KCNS3: variants seen among roughly 807,000 people sequenced by gnomAD.
KCNS3 encodes the protein delayed-rectifier potassium channel regulatory subunit KCNS3.
KCNS3 carries 13 observed loss-of-function variants against 31.0 expected under a neutral mutation model. The observed-to-expected ratio is 0.42, with a 90% CI of 0.27 to 0.67. KCNS3 has a LOEUF of 0.67. Among genes scored for constraint, KCNS3 ranks in the 30% least tolerant of loss-of-function variants. The pLI, the probability that KCNS3 is intolerant of heterozygous loss-of-function variation, is 0.25. For missense variants in KCNS3, 545 were observed against 622.4 expected, an observed-to-expected ratio of 0.88 and a Z score of 1.32; for synonymous variants, 238 against 241.5, an observed-to-expected ratio of 0.99 and a Z score of 0.13.
intron 1 of KCNS3, among the ~76,000 whole-genome samples, chr2:17,890,628 T>A (rs924876202): frequency 1.3e-5 from 2 of 152,124 alleles, no homozygotes; most frequent in African/African-American, 2.4e-5. Context: ...GTTTGTGTCA[T>A]CATTGTCATT....
chr2:17,878,451 A>G (rs1233123399), upstream of KCNS3, among the ~76,000 whole-genome samples: 2 of 151,572 alleles, frequency 1.3e-5, no homozygotes, highest in Non-Finnish European at 3.0e-5. Flanking sequence ...ATCTAGGTCT[A>G]TGGGTCTGTC....
At chr2:17,923,448 A>G (rs1354255910) in intron 2 of KCNS3, among the ~76,000 whole-genome samples, 1 of 152,092 alleles carries the variant, frequency 6.6e-6, no homozygotes, top group Non-Finnish European at 1.5e-5. Context: ...TTGAATTGAT[A>G]GTGTCCTTTG....
intron 2 of KCNS3, among the ~76,000 whole-genome samples, chr2:17,928,058 AAAAT>A (rs1189941005): frequency 1.3e-5 from 2 of 152,224 alleles, no homozygotes; most frequent in Non-Finnish European, 2.9e-5. Flanking sequence ...TATTTGGCTC[AAAAT>A]AAATCTCTTT....
intron 2 of KCNS3, among the ~76,000 whole-genome samples, chr2:17,930,553 T>C (rs1292554220): frequency 6.6e-6 from 1 of 152,164 alleles, no homozygotes; most frequent in Non-Finnish European, 1.5e-5. Context: ...ATGTCTGAAT[T>C]GAGTTTTCCC....
chr2:17,905,237 T>G (rs925986837), intron 1 of KCNS3, among the ~76,000 whole-genome samples: 2 of 152,180 alleles, frequency 1.3e-5, no homozygotes, highest in African/African-American at 4.8e-5. Context: ...GAATGGGACT[T>G]CACTCATGAT....
chr2:17,882,814 T>C (rs1373773824), intron 1 of KCNS3, among the ~76,000 whole-genome samples: 1 of 152,204 alleles, frequency 6.6e-6, no homozygotes, highest in South Asian at 2.1e-4. Context: ...TTTTTCTTTA[T>C]CATTTCTCTA....
chr2:17,884,268 A>AAAAAATATATAT (rs1459540269), intron 1 of KCNS3, among the ~76,000 whole-genome samples: 6 of 46,696 alleles, frequency 1.3e-4, no homozygotes, highest in African/African-American at 4.7e-4. Flanking sequence ...AAAAAAAAAA[A>AAAAAATATATAT]ATATATATAT....
upstream of KCNS3, chr2:17,878,547 G>C (rs1434071438): frequency 6.6e-6 from 1 of 150,390 alleles, no homozygotes; most frequent in African/African-American, 2.4e-5. Flanking sequence ...GAAGCGAGGG[G>C]CTGGCGGAGC....
At chr2:17,930,402 G>A (rs1330452284) in intron 2 of KCNS3, among the ~76,000 whole-genome samples, 1 of 152,154 alleles carries the variant, frequency 6.6e-6, no homozygotes. Flanking sequence ...TCTTAAAGGA[G>A]TAAAACATTG....
At position 17,894,924 on chromosome 2, in the gene KCNS3, A is replaced by G. The variant is rs559815536; in HGVS notation, c.-252+16118A>G. On this transcript the variant is annotated intron_variant, in intron 1 of 2. Coordinates refer to ENST00000304101, the MANE Select transcript of KCNS3 (RefSeq NM_002252.5). Reference sequence around the variant, plus strand: ...TGGGTGAATTTAGAAAATGGGCTGGAGAAAGGATAGGTGTGAGAATTCATT... The same window carrying G: ...TGGGTGAATTTAGAAAATGGGCTGGGGAAAGGATAGGTGTGAGAATTCATT... Among the ~76,000 whole-genome samples the G allele has an allele frequency of 2.0e-5, 3 of 152,348 alleles. No individual in the cohort carries two copies. The South Asian group carries it at 6.2e-4, about 32-fold the overall frequency.
rs1169937318 is a variant in KCNS3 at position 17,905,144 on chromosome 2, A to G, written c.-251-12536A>G. Among the ~76,000 whole-genome samples, 13 of 152,172 alleles carry G rather than the reference A, an allele frequency of 8.5e-5. No individual in the cohort carries two copies. The East Asian group carries it at 2.1e-3, about 25-fold the overall frequency. ...ATCCTCTTTTATTTCATTGAGCAGT[A>G]GTTTGTAGTTCTCCTTGAAGAGGTC... On this transcript the variant is annotated intron_variant, in intron 1 of 2. Coordinates refer to ENST00000304101, the MANE Select transcript of KCNS3 (RefSeq NM_002252.5).
intron 2 of KCNS3, among the ~76,000 whole-genome samples, chr2:17,925,220 A>G (rs945524467): frequency 1.2e-4 from 19 of 152,050 alleles, no homozygotes; most frequent in African/African-American, 4.3e-4. Flanking sequence ...GCTTCATTAT[A>G]CCCTCCTCTT....
At chr2:17,927,398 G>A (rs151077023) in intron 2 of KCNS3, among the ~76,000 whole-genome samples, 8 of 152,078 alleles carry the variant, frequency 5.3e-5, no homozygotes, top group African/African-American at 1.2e-4. Flanking sequence ...CCACATTTTG[G>A]GGTATCTTTA....
At chr2:17,880,264 C>T (rs530910654) in intron 1 of KCNS3, among the ~76,000 whole-genome samples, 21 of 152,332 alleles carry the variant, frequency 1.4e-4, no homozygotes, top group Admixed American at 1.3e-3. Flanking sequence ...GTGCAGGCTC[C>T]ACTTCTTACC....
At chr2:17,881,799 C>T (rs1674649696) in intron 1 of KCNS3, among the ~76,000 whole-genome samples, 1 of 152,182 alleles carries the variant, frequency 6.6e-6, no homozygotes, top group East Asian at 1.9e-4. Context: ...ACAGAGGGGG[C>T]TTACAGTTAC....
chr2:17,903,633 G>A (rs866222196), intron 1 of KCNS3, among the ~76,000 whole-genome samples: 2 of 146,664 alleles, frequency 1.4e-5, no homozygotes, highest in Middle Eastern at 3.4e-3. Flanking sequence ...ACAGGCCCCA[G>A]TGTGTGATGT....
In KCNS3 at chr2:17,919,955, A is replaced by G. The variant is rs1016206586; in HGVS notation, c.-60+2084A>G. 1.1e-4 allele frequency among the ~76,000 whole-genome samples: 17 copies of G among 152,150 alleles called. 1 individual carries two copies. The highest frequency in any genetic ancestry group is 3.9e-4 in the African/African-American group (16 of 41,440). ...GGTATGGATTGAGTTTAGGTTTCCA[A>G]TTCTGTTTACGTTTGCTTGGTTTTT... On this transcript the variant is annotated intron_variant, in intron 2 of 2. Transcript: ENST00000304101.
intron 1 of KCNS3, among the ~76,000 whole-genome samples, chr2:17,884,950 T>TTTC (rs1553341066): frequency 2.1e-5 from 3 of 139,774 alleles, no homozygotes; most frequent in Non-Finnish European, 4.6e-5. Flanking sequence ...TTTTTTTTTT[T>TTTC]CCTCACTGCC....
intron 2 of KCNS3, among the ~76,000 whole-genome samples, chr2:17,927,566 T>G (rs574177842): frequency 4.6e-5 from 7 of 152,272 alleles, no homozygotes; most frequent in African/African-American, 1.7e-4. Flanking sequence ...CTTACAATCC[T>G]GATAGAAGGG....
Sources: gnomAD v4.1 joint callset for allele counts (sites outside exome capture counted in the v4.1 genomes callset) on GRCh38, gnomAD v4.1.1 for gene constraint, MANE v1.5 for transcripts, NCBI Gene and HGNC (gene_info 2026-07-23, HGNC 2026-07-21) for gene names.